The following TRPM5 variants were observed in gnomAD, a reference collection of about 807,000 sequenced individuals.
TRPM5 encodes the protein MLSN1 and TRP-related.
TRPM5 carries 121 observed loss-of-function variants against 124.9 expected under a neutral mutation model. The ratio of observed to expected loss-of-function variants is 0.97; its 90% CI spans 0.84 to 1.13. The LOEUF is 1.13. TRPM5 is among the 50% of genes most tolerant of loss of function. TRPM5 has a pLI of 0.00. For synonymous variants in TRPM5, 781 were observed against 700.5 expected (o/e 1.11, Z -1.81); for missense variants, 1,643 against 1,589.1 (o/e 1.03, Z -0.58).
intron 20 of TRPM5, 41 bp from the exon 26 acceptor site, chr11:2,406,834 GGGCGTCAGT>G: frequency 6.3e-7 from 1 of 1,588,690 alleles, no homozygotes; most frequent in South Asian, 1.1e-5. Context: ...TAGAGCATGT[GGGCGTCAGT>G]GGCAGAGCCC....
At chr11:2,438,225 C>T in the TRPM5 span, among the ~76,000 whole-genome samples, 2 of 152,166 alleles carry the variant, frequency 1.3e-5, no homozygotes, top group African/African-American at 4.8e-5. This position sits in a 1 kb window ranked among gnomAD's most constrained non-coding sequence, Gnocchi z 5.9. Context: ...CCACAGTCAA[C>T]ATCATATTGA....
upstream of TRPM5, among the ~76,000 whole-genome samples, chr11:2,423,677 T>C (rs2133538271): frequency 6.6e-6 from 1 of 152,234 alleles, no homozygotes; most frequent in South Asian, 2.1e-4. Flanking sequence ...CCCGTGGCGC[T>C]CCCACATCAG....
intron 21 of TRPM5, 35 bp from the exon 27 acceptor site, chr11:2,406,126 C>T (rs1850318296): frequency 6.2e-7 from 1 of 1,607,672 alleles, no homozygotes; most frequent in Non-Finnish European, 8.5e-7. Flanking sequence ...CTGTGGATGG[C>T]CACGCGGTGC....
chr11:2,441,225 A>G, the TRPM5 span, among the ~76,000 whole-genome samples: 1 of 152,150 alleles, frequency 6.6e-6, no homozygotes, highest in Non-Finnish European at 1.5e-5. This position sits in a 1 kb window ranked among gnomAD's most constrained non-coding sequence, Gnocchi z 7.2. Flanking sequence ...GGCTTTCCTC[A>G]GTGGAGGGTG....
the TRPM5 span, among the ~76,000 whole-genome samples, chr11:2,430,167 G>A: frequency 3.3e-5 from 5 of 152,128 alleles, no homozygotes; most frequent in Admixed American, 6.5e-5. Context: ...ACCCAAAGAA[G>A]CCTTGGAGCC....
Position 2,415,077 on chromosome 11 carries a change from G to A in TRPM5, c.1480-30C>T, listed in dbSNP as rs764074699. On this transcript the variant is annotated intron_variant, in intron 9 of 23. Transcript: ENST00000155858. ...AGGACACGGGCGTCGGCCTCCTGCTGCGGCCCCAGCCTCGCCCTCCATCCC... is the reference window on the plus strand; with the variant it reads ...AGGACACGGGCGTCGGCCTCCTGCTACGGCCCCAGCCTCGCCCTCCATCCC... 7 of 1,590,214 alleles carry A rather than the reference G, an allele frequency of 4.4e-6. No individual in the cohort carries two copies. The Admixed American group carries it at 1.0e-4, about 23-fold the overall frequency.
exon 9 of TRPM5, chr11:2,415,244 C>A (rs769134143): frequency 1.3e-6 from 2 of 1,571,222 alleles, no homozygotes; most frequent in Admixed American, 1.8e-5. Flanking sequence ...CGGGTGGCTC[C>A]CGGGCCTGCT....
intron 1 of TRPM5, 42 bp from the exon 7 acceptor site, chr11:2,422,363 G>A (rs1371695592): frequency 3.2e-6 from 5 of 1,547,622 alleles, no homozygotes; most frequent in Non-Finnish European, 4.4e-6. Flanking sequence ...GGGGCACGGG[G>A]CATGGGAGCT....
chr11:2,422,937 C>T (rs146217356), exon 1 of TRPM5: 4 of 1,613,402 alleles, frequency 2.5e-6, no homozygotes, highest in Non-Finnish European at 3.4e-6. Flanking sequence ...CGCTTCTTCC[C>T]AGACCCTCCA....
chr11:2,418,729 G>A (rs1253433242), intron 4 of TRPM5, 138 bp from the exon 10 acceptor site: 4 of 826,492 alleles, frequency 4.8e-6, no homozygotes, highest in African/African-American at 1.7e-5. Flanking sequence ...TGGGCCACGT[G>A]ACACAGGCTG....
chr11:2,415,287 T>C, exon 9 of TRPM5: 1 of 1,576,642 alleles, frequency 6.3e-7, no homozygotes. Context: ...CAGCCGGGCC[T>C]CCTCCTGCTT....
chr11:2,413,730 G>A (rs1272192149), intron 12 of TRPM5, 142 bp from the exon 18 acceptor site: 16 of 805,038 alleles, frequency 2.0e-5, no homozygotes, highest in South Asian at 1.1e-4. Context: ...CGGAGCCCCC[G>A]TCCTGGTGGG....
intron 18 of TRPM5, chr11:2,410,829 G>T: frequency 2.7e-6 from 1 of 375,482 alleles, no homozygotes. Context: ...CGGCCAAATG[G>T]CGAAGGGGCC....
At chr11:2,411,330 C>T (rs202067269) in intron 18 of TRPM5, 22 bp downstream of exon 23, 7 of 1,546,666 alleles carry the variant, frequency 4.5e-6, no homozygotes, top group Middle Eastern at 3.4e-4. Flanking sequence ...CCTGCCCCTG[C>T]CCCCGCTGGC....
upstream of TRPM5, among the ~76,000 whole-genome samples, chr11:2,425,128 G>T (rs1348749323): frequency 6.6e-6 from 1 of 152,178 alleles, no homozygotes; most frequent in Admixed American, 6.5e-5. Flanking sequence ...GGCCCCAGGT[G>T]GGGGCTGGAG....
the TRPM5 span, among the ~76,000 whole-genome samples, chr11:2,439,013 A>G: frequency 6.6e-6 from 1 of 152,220 alleles, no homozygotes; most frequent in East Asian, 1.9e-4. Context: ...GAGAGCCCAG[A>G]AGTAAAGCCA....
At chr11:2,407,480 A>C (rs1850347443) in intron 19 of TRPM5, among the ~76,000 whole-genome samples, 180 bp from the exon 25 acceptor site, 1 of 151,782 alleles carries the variant, frequency 6.6e-6, no homozygotes, top group East Asian at 1.9e-4. Context: ...TCCCCTGTCC[A>C]CTCTGCTCTC....
At chr11:2,421,010 G>A in intron 3 of TRPM5, 22 bp downstream of exon 8, 1 of 1,526,614 alleles carries the variant, frequency 6.6e-7, no homozygotes, top group African/African-American at 1.4e-5. Flanking sequence ...AGCGGTCGTG[G>A]TGCTGGGAGC....
intron 23 of TRPM5, 41 bp downstream of exon 28, chr11:2,405,486 C>T (rs1275102426): frequency 1.3e-6 from 2 of 1,531,880 alleles, no homozygotes; most frequent in Middle Eastern, 1.7e-4. Flanking sequence ...AGAGTGGGTG[C>T]CCATGCCCAC....
Sources: allele counts gnomAD v4.1 joint callset (sites outside exome capture counted in the v4.1 genomes callset), GRCh38; gene constraint gnomAD v4.1.1; non-coding constraint Gnocchi (gnomAD v3.1); transcripts MANE v1.5; gene names NCBI Gene and HGNC (gene_info 2026-07-23, HGNC 2026-07-21).